NDUFV2: variants seen among roughly 807,000 people sequenced by gnomAD.
The protein encoded by NDUFV2 is NADH:ubiquinone oxidoreductase core subunit V2.
NDUFV2 carries 18 observed loss-of-function variants against 31.6 expected under a neutral mutation model. The ratio of observed to expected loss-of-function variants is 0.57; its 90% CI spans 0.39 to 0.84. The LOEUF is 0.84. Ranked by LOEUF, NDUFV2 falls within the 40% of genes least tolerant of loss-of-function variation. NDUFV2 has a pLI of 0.00. For missense variants in NDUFV2, 314 were observed against 303.6 expected, an observed-to-expected ratio of 1.03 and a Z score of -0.26; for synonymous variants, 83 against 99.8, an observed-to-expected ratio of 0.83 and a Z score of 1.01.
chr18:9,128,478 A>G (rs1195750763), intron 7 of NDUFV2, among the ~76,000 whole-genome samples: 2 of 152,220 alleles, frequency 1.3e-5, no homozygotes, highest in African/African-American at 4.8e-5. Context: ...AATTTGCTTA[A>G]AGAGTGTTGG....
At chr18:9,102,917 G>C in intron 1 of NDUFV2, 120 bp downstream of exon 1, 1 of 1,100,418 alleles carries the variant, frequency 9.1e-7, no homozygotes, top group Non-Finnish European at 1.3e-6. Context: ...CGGCGGCAAG[G>C]ACACTGCGGC....
intron 3 of NDUFV2, 26 bp downstream of exon 3, chr18:9,119,414 A>G: frequency 1.9e-6 from 3 of 1,603,380 alleles, no homozygotes; most frequent in Non-Finnish European, 2.6e-6. Flanking sequence ...CATTATAATT[A>G]ATTTACCAAA....
intron 4 of NDUFV2, 35 bp from the exon 5 acceptor site, chr18:9,122,478 T>A (rs1229385312): frequency 6.5e-7 from 1 of 1,532,210 alleles, no homozygotes; most frequent in South Asian, 1.1e-5. Flanking sequence ...ACTAACACTG[T>A]AATTATCTTA....
intron 7 of NDUFV2, among the ~76,000 whole-genome samples, chr18:9,128,820 A>G (rs1568196372): frequency 6.6e-6 from 1 of 152,182 alleles, no homozygotes; most frequent in African/African-American, 2.4e-5. Context: ...TACTCTAAAG[A>G]ATATCTCAAG....
Position 9,119,325 on chromosome 18 carries a change from GCA to G in NDUFV2, c.123_124del (p.His41GlnfsTer5). On this transcript the variant is annotated frameshift_variant and splice_region_variant, in exon 3 of 8. Transcript: ENST00000318388. LOFTEE classifies it high-confidence loss of function. ...QNGAGGALFV[H>X]RDTPENNPDT... ...TCTGAAAAACTGTTTTTGTTGTGTA[GCA>G]CAGAGATACTCCTGAGAATAACCCT... 6.2e-7 allele frequency: 1 copy of G among 1,611,726 alleles called. No homozygotes were observed. Among genetic ancestry groups the G allele is most frequent in the Non-Finnish European group, 8.5e-7 (1 of 1,178,018 alleles).
chr18:9,113,761 C>G (rs1044066313), intron 1 of NDUFV2, among the ~76,000 whole-genome samples: 2 of 152,168 alleles, frequency 1.3e-5, no homozygotes, highest in Non-Finnish European at 2.9e-5. Context: ...CATTCTACCC[C>G]CTGCTTGCTC....
At chr18:9,124,681 C>T (rs1399788275) in intron 5 of NDUFV2, among the ~76,000 whole-genome samples, 193 bp from the exon 6 acceptor site, 1 of 151,974 alleles carries the variant, frequency 6.6e-6, no homozygotes, top group Admixed American at 6.6e-5. Flanking sequence ...ATCTCCTGAC[C>T]TCGTGATCTG....
rs1457606184 is a variant in NDUFV2, at chr18:9,119,520, C to G, written c.230C>G (p.Ala77Gly). The change falls in exon 4 of 8, where the codon GCA becomes GGA. Residue 77 changes from alanine (A) to glycine (G), a missense_variant. By Grantham distance (60) the Ala-to-Gly change is moderately conservative (BLOSUM62 0). Coordinates refer to ENST00000318388, the MANE Select transcript of NDUFV2 (RefSeq NM_021074.5). ...AACTATCCAGAAGGCCATAAAGCAG[C>G]AGCTGTTCTTCCAGTCCTGGATTTA... ...VKNYPEGHKAAAVLPVLDLAQ... is the reference protein window; with the variant it reads ...VKNYPEGHKAGAVLPVLDLAQ... 6.2e-7 allele frequency: 1 copy of G among 1,613,892 alleles called. No homozygotes were observed. Among genetic ancestry groups the G allele is most frequent in the Admixed American group, 1.7e-5 (1 of 60,008 alleles).
chr18:9,129,077 A>G (rs935382859), intron 7 of NDUFV2, among the ~76,000 whole-genome samples: 3 of 152,152 alleles, frequency 2.0e-5, no homozygotes, highest in Admixed American at 6.5e-5. Flanking sequence ...AGCTGGGACT[A>G]TAAGAACGTG....
intron 1 of NDUFV2, chr18:9,103,690 C>T (rs1043578419): frequency 6.4e-6 from 1 of 155,228 alleles, no homozygotes; most frequent in Non-Finnish European, 1.4e-5. Context: ...AGCTTAACTG[C>T]CTTTTGTGGC....
chr18:9,133,304 AG>A (rs1291581026), intron 7 of NDUFV2: 1 of 152,382 alleles, frequency 6.6e-6, no homozygotes, highest in Non-Finnish European at 1.5e-5. Context: ...TAGCAAAGCC[AG>A]GGAATAGTGG....
intron 1 of NDUFV2, among the ~76,000 whole-genome samples, chr18:9,108,386 A>G (rs1360577793): frequency 6.6e-6 from 1 of 152,236 alleles, no homozygotes; most frequent in Non-Finnish European, 1.5e-5. Flanking sequence ...TAAGGCATGT[A>G]CTGAAGTCAG....
At position 9,102,835 on chromosome 18, in the gene NDUFV2, CCTTCT is replaced by C. The variant is rs1027454490; in HGVS notation, c.54+42_54+46del. Reference sequence around the variant, plus strand: ...AAGCTGAGCCCGGCGCTGCCGCCGCCCTTCTCTTGCTCTCCGTGTCTCCCTTAGTT... The same window carrying C: ...AAGCTGAGCCCGGCGCTGCCGCCGCCCTTGCTCTCCGTGTCTCCCTTAGTT... On this transcript the variant is annotated intron_variant, in intron 1 of 7. Transcript: ENST00000318388. The C allele has an allele frequency of 1.3e-5, 20 of 1,533,006 alleles. No homozygotes were observed. The African/African-American group carries it at 2.0e-4, about 15-fold the overall frequency. 95.0% of individuals were successfully genotyped at this position (1,533,006 alleles called of 1,614,324 possible). A position where few individuals can be genotyped will look rare whatever the true frequency, so the allele number is the denominator to read the frequency against.
intron 5 of NDUFV2, among the ~76,000 whole-genome samples, chr18:9,123,775 G>T (rs1454540996): frequency 1.3e-5 from 2 of 152,176 alleles, no homozygotes; most frequent in Non-Finnish European, 2.9e-5. Flanking sequence ...ACAGGTGTGA[G>T]CCACCATGCT....
rs1256315993 is a variant in NDUFV2 at position 9,102,960 on chromosome 18, A to G, written c.54+163A>G. 4 of 634,434 alleles carry G rather than the reference A, an allele frequency of 6.3e-6. No homozygotes were observed. The South Asian group carries it at 9.5e-5, about 15-fold the overall frequency. 39.3% of individuals were successfully genotyped at this position (634,434 alleles called of 1,614,324 possible). ...CTCTTAGGGAGGCCGCTGCAGCCCCACCGTGAGAAGCCCCGAGGGAGGGTT... is the reference window on the plus strand; with the variant it reads ...CTCTTAGGGAGGCCGCTGCAGCCCCGCCGTGAGAAGCCCCGAGGGAGGGTT... On this transcript the variant is annotated intron_variant, in intron 1 of 7. Transcript: ENST00000318388.
At chr18:9,110,060 G>A (rs1298523751) in intron 1 of NDUFV2, among the ~76,000 whole-genome samples, 2 of 152,074 alleles carry the variant, frequency 1.3e-5, no homozygotes, top group African/African-American at 2.4e-5. Context: ...ATTTCTTGAG[G>A]TATAGACATT....
At chr18:9,128,938 C>G (rs888842767) in intron 7 of NDUFV2, among the ~76,000 whole-genome samples, 2 of 152,096 alleles carry the variant, frequency 1.3e-5, no homozygotes, top group Admixed American at 6.6e-5. Context: ...TTCCTCCCCC[C>G]CACTCCTCCC....
At chr18:9,110,420 A>AT (rs1415225511) in intron 1 of NDUFV2, among the ~76,000 whole-genome samples, 1 of 152,214 alleles carries the variant, frequency 6.6e-6, no homozygotes, top group Non-Finnish European at 1.5e-5. Flanking sequence ...ATAGGGATGA[A>AT]TAACAGTTTA....
chr18:9,134,124 CAATTTAAGTAAAAATTTACAAATGTT>C, intron 7 of NDUFV2, 36 bp from the exon 8 acceptor site: 4 of 1,314,162 alleles, frequency 3.0e-6, no homozygotes, highest in Non-Finnish European at 4.4e-6. Context: ...GTAACCATTA[CAATTTAAGTAAAAATTTACAAATGTT>C]AATCATTAAT....
Sources: gnomAD v4.1 joint callset for allele counts (sites outside exome capture counted in the v4.1 genomes callset) on GRCh38, gnomAD v4.1.1 for gene constraint, MANE v1.5 for transcripts, NCBI Gene and HGNC (gene_info 2026-07-23, HGNC 2026-07-21) for gene names.